The following PLCG2 variants were observed in gnomAD, a reference collection of about 807,000 sequenced individuals.
PLCG2 encodes phospholipase C gamma 2.
A neutral mutation model predicts 175.6 loss-of-function variants in PLCG2; 69 were observed. That is an observed-to-expected ratio of 0.39 (90% CI 0.32 to 0.48). The LOEUF (loss-of-function observed/expected upper bound fraction) is 0.48. Among genes scored for constraint, PLCG2 ranks in the 20% least tolerant of loss-of-function variants. PLCG2 has a pLI of 0.91. For synonymous variants in PLCG2, 827 were observed against 624.0 expected, an observed-to-expected ratio of 1.33 and a Z score of -4.85; for missense variants, 1,798 against 1,650.9, an observed-to-expected ratio of 1.09 and a Z score of -1.54.
At chr16:81,878,884 C>G (rs965108358) in intron 7 of PLCG2, among the ~76,000 whole-genome samples, 1 of 152,252 alleles carries the variant, frequency 6.6e-6, no homozygotes, top group South Asian at 2.1e-4. Context: ...CTGTCCTGCT[C>G]TGCGTCCCAG....
intron 14 of PLCG2, among the ~76,000 whole-genome samples, chr16:81,903,919 G>C (rs184364683): frequency 6.6e-6 from 1 of 152,312 alleles, no homozygotes; most frequent in Admixed American, 6.5e-5. Flanking sequence ...TGGAAATAGC[G>C]TTGGCCACAC....
At chr16:81,916,293 A>C (rs1470154583) in intron 19 of PLCG2, among the ~76,000 whole-genome samples, 1 of 92,756 alleles carries the variant, frequency 1.1e-5, no homozygotes, top group East Asian at 5.0e-4. Context: ...CTTTTTTAAA[A>C]AAAGAAAAAA....
intron 9 of PLCG2, among the ~76,000 whole-genome samples, chr16:81,888,345 G>A (rs1908468774): frequency 6.6e-6 from 1 of 151,908 alleles, no homozygotes; most frequent in Admixed American, 6.6e-5. Flanking sequence ...TGAGTAGCTG[G>A]GATTACAGGC....
At chr16:81,762,459 C>T (rs1255504026) in intron 2 of PLCG2, among the ~76,000 whole-genome samples, 1 of 151,892 alleles carries the variant, frequency 6.6e-6, no homozygotes. Context: ...GTCCCAGGTA[C>T]TCGGGAGGCT....
chr16:81,801,576 G>A (rs112637460), intron 2 of PLCG2, among the ~76,000 whole-genome samples: 225 of 152,260 alleles, frequency 1.5e-3, no homozygotes, highest in African/African-American at 5.2e-3. Flanking sequence ...CCCGATTCCA[G>A]CAAACACGTC....
chr16:81,913,538 C>CCA (rs1909720950), intron 19 of PLCG2, among the ~76,000 whole-genome samples: 1 of 152,234 alleles, frequency 6.6e-6, no homozygotes, highest in African/African-American at 2.4e-5. Context: ...GCTCTTCACT[C>CCA]CAGAGTCTCT....
intron 2 of PLCG2, among the ~76,000 whole-genome samples, chr16:81,803,302 A>G (rs946017831): frequency 6.6e-6 from 1 of 151,758 alleles, no homozygotes; most frequent in Non-Finnish European, 1.5e-5. Context: ...TTGTATTTTT[A>G]GTAGAGATGG....
At chr16:81,875,496 G>A (rs1209847658) in intron 7 of PLCG2, among the ~76,000 whole-genome samples, 1 of 152,182 alleles carries the variant, frequency 6.6e-6, no homozygotes, top group Non-Finnish European at 1.5e-5. Flanking sequence ...TAAAGAAAAT[G>A]TAAAGCATAT....
chr16:81,798,904 C>T (rs904622402), intron 2 of PLCG2: 3 of 152,346 alleles, frequency 2.0e-5, no homozygotes, highest in Non-Finnish European at 4.4e-5. Context: ...AGGTGTCTCT[C>T]TCCCCAGCAC....
chr16:81,741,237 A>T (rs1243118413), intron 1 of PLCG2, among the ~76,000 whole-genome samples: 1 of 152,110 alleles, frequency 6.6e-6, no homozygotes, highest in Non-Finnish European at 1.5e-5. Flanking sequence ...GCTGTGTGCC[A>T]GGTATTGTGC....
At chr16:81,792,761 C>G (rs146124551) in intron 2 of PLCG2, among the ~76,000 whole-genome samples, 1 of 152,052 alleles carries the variant, frequency 6.6e-6, no homozygotes, top group Non-Finnish European at 1.5e-5. Context: ...ATGGAGGTAA[C>G]CGGCCCTATG....
intron 13 of PLCG2, among the ~76,000 whole-genome samples, chr16:81,896,720 A>G (rs945197561): frequency 6.6e-6 from 1 of 152,324 alleles, no homozygotes; most frequent in South Asian, 2.1e-4. Context: ...CCAAGCAGCC[A>G]GTAATGGTGG....
intron 31 of PLCG2, among the ~76,000 whole-genome samples, chr16:81,951,127 A>C (rs1333163154): frequency 1.3e-5 from 2 of 151,884 alleles, no homozygotes; most frequent in Non-Finnish European, 2.9e-5. Context: ...GGCATATGCC[A>C]CCATGCCTGG....
At chr16:81,908,722 C>G in intron 17 of PLCG2, 131 bp downstream of exon 17, 1 of 746,890 alleles carries the variant, frequency 1.3e-6, no homozygotes, top group Middle Eastern at 4.0e-4. Flanking sequence ...ATTTGTCTAG[C>G]TCTTCTAGGC....
At chr16:81,824,292 C>T (rs1487135211) in intron 2 of PLCG2, among the ~76,000 whole-genome samples, 1 of 152,058 alleles carries the variant, frequency 6.6e-6, no homozygotes, top group African/African-American at 2.4e-5. Context: ...CGTCACCACA[C>T]CTGGCTAATT....
intron 17 of PLCG2, among the ~76,000 whole-genome samples, chr16:81,909,497 G>C (rs546478989): frequency 6.6e-6 from 1 of 152,186 alleles, no homozygotes; most frequent in African/African-American, 2.4e-5. Flanking sequence ...AGTCACTGCA[G>C]CCTCAAACTC....
chr16:81,828,286 C>T (rs1236827210), intron 2 of PLCG2, among the ~76,000 whole-genome samples: 1 of 138,974 alleles, frequency 7.2e-6, no homozygotes, highest in African/African-American at 2.8e-5. Context: ...TGCTCTGTCA[C>T]CCAGGCTGGA....
intron 2 of PLCG2, among the ~76,000 whole-genome samples, chr16:81,828,462 T>C (rs1479243620): frequency 6.6e-6 from 1 of 151,922 alleles, no homozygotes; most frequent in Non-Finnish European, 1.5e-5. Context: ...ATGGTCTCGA[T>C]CTCCTGACCT....
At chr16:81,877,049 T>C (rs2143553259) in intron 7 of PLCG2, among the ~76,000 whole-genome samples, 1 of 152,362 alleles carries the variant, frequency 6.6e-6, no homozygotes, top group East Asian at 1.9e-4. Context: ...TTTTACTACC[T>C]GATGGGATCA....
Sources: gnomAD v4.1 joint callset for allele counts (sites outside exome capture counted in the v4.1 genomes callset) on GRCh38, gnomAD v4.1.1 for gene constraint, MANE v1.5 for transcripts, NCBI Gene and HGNC (gene_info 2026-07-23, HGNC 2026-07-21) for gene names.